The following TACR1 variants were observed in gnomAD, a reference collection of about 807,000 sequenced individuals.
The protein encoded by TACR1 is tachykinin receptor 1.
A neutral mutation model predicts 35.8 loss-of-function variants in TACR1; 25 were observed. That is an observed-to-expected ratio of 0.70 (90% CI 0.51 to 0.98). TACR1 has a LOEUF of 0.98. TACR1 is among the 50% of genes least tolerant of loss of function. The pLI, the probability that TACR1 is intolerant of heterozygous loss-of-function variation, is 0.00. For missense variants in TACR1, 478 were observed against 522.9 expected (o/e 0.91, Z 0.84); for synonymous variants, 195 against 206.7 (o/e 0.94, Z 0.48).
At chr2:75,097,111 C>T (rs768378262) in intron 2 of TACR1, among the ~76,000 whole-genome samples, 14 of 152,178 alleles carry the variant, frequency 9.2e-5, no homozygotes, top group Non-Finnish European at 1.6e-4. Flanking sequence ...GAGAGACTAG[C>T]CCAAGTTCCC....
intron 2 of TACR1, among the ~76,000 whole-genome samples, chr2:75,055,014 G>C (rs1672542819): frequency 1.3e-5 from 2 of 152,186 alleles, no homozygotes; most frequent in South Asian, 4.2e-4. Flanking sequence ...TTCACAGCTG[G>C]TAAAGGGAGG....
chr2:75,161,663 G>C (rs892413947), intron 1 of TACR1, among the ~76,000 whole-genome samples: 3 of 151,954 alleles, frequency 2.0e-5, no homozygotes, highest in Admixed American at 6.6e-5. Flanking sequence ...ACAGTAGAGA[G>C]AACAACAAAT....
chr2:75,165,426 A>G (rs1223268704), intron 1 of TACR1, among the ~76,000 whole-genome samples: 2 of 150,828 alleles, frequency 1.3e-5, no homozygotes, highest in Non-Finnish European at 3.0e-5. Context: ...CTCCTGCCTC[A>G]GCCTCCCGAG....
intron 2 of TACR1, among the ~76,000 whole-genome samples, chr2:75,069,894 A>C (rs1268452935): frequency 6.6e-6 from 1 of 152,102 alleles, no homozygotes; most frequent in Non-Finnish European, 1.5e-5. Context: ...CTCCACTGTG[A>C]AGACACTCTT....
At chr2:75,097,644 G>A (rs907354393) in intron 2 of TACR1, among the ~76,000 whole-genome samples, 2 of 152,138 alleles carry the variant, frequency 1.3e-5, no homozygotes, top group Non-Finnish European at 2.9e-5. Context: ...TCTCAGTCTT[G>A]GGGTGAGCAT....
chr2:75,082,800 A>T (rs1434665532), intron 2 of TACR1, among the ~76,000 whole-genome samples: 1 of 151,952 alleles, frequency 6.6e-6, no homozygotes, highest in Non-Finnish European at 1.5e-5. Context: ...AATTTGTTTG[A>T]GTTCATTGTA....
intron 1 of TACR1, among the ~76,000 whole-genome samples, chr2:75,186,648 A>AG (rs1370824798): frequency 6.6e-6 from 1 of 151,962 alleles, no homozygotes; most frequent in Non-Finnish European, 1.5e-5. Flanking sequence ...TTTTCTTAAA[A>AG]AAAAAAAAGG....
At chr2:75,170,179 T>C (rs979660594) in intron 1 of TACR1, among the ~76,000 whole-genome samples, 8 of 152,192 alleles carry the variant, frequency 5.3e-5, no homozygotes, top group Non-Finnish European at 1.2e-4. Flanking sequence ...TGTTGGGAAC[T>C]GTTGGGAGGT....
intron 2 of TACR1, among the ~76,000 whole-genome samples, chr2:75,080,101 T>C (rs909550571): frequency 4.6e-5 from 7 of 152,194 alleles, no homozygotes; most frequent in African/African-American, 1.4e-4. Flanking sequence ...ATAGTAAGAT[T>C]GAGATAAGGT....
At chr2:75,125,843 A>G (rs1050709346) in intron 1 of TACR1, among the ~76,000 whole-genome samples, 1 of 152,208 alleles carries the variant, frequency 6.6e-6, no homozygotes, top group Non-Finnish European at 1.5e-5. Flanking sequence ...GCCCCTAAAT[A>G]GAGCCTCAAT....
intron 2 of TACR1, among the ~76,000 whole-genome samples, chr2:75,108,451 T>C (rs187804618): frequency 2.0e-5 from 3 of 152,294 alleles, no homozygotes; most frequent in Non-Finnish European, 4.4e-5. Flanking sequence ...AGTATAATGC[T>C]TCTTAAAATA....
At chr2:75,136,351 G>A (rs924479480) in intron 1 of TACR1, among the ~76,000 whole-genome samples, 3 of 152,176 alleles carry the variant, frequency 2.0e-5, no homozygotes, top group African/African-American at 7.2e-5. Flanking sequence ...TTAGTGCAGT[G>A]TATTAACAAA....
chr2:75,120,485 AG>A lies in TACR1; in HGVS notation c.584+88del, dbSNP rs377079040. On this transcript the variant is annotated intron_variant, in intron 2 of 4. Transcript: ENST00000305249. ...TACACATTAAATCTGTACCAACAAA[AG>A]AATATGGAAAGAAAGAAAGAGCAAG... 852 of 1,264,314 alleles carry A rather than the reference AG, an allele frequency of 6.7e-4. 5 individuals are homozygous for A. The African/African-American group carries it at 0.011, about 17-fold the overall frequency. The allele number at this position is 1,264,314 out of a possible 1,614,324, so 78.3% of individuals were successfully genotyped here. A position where few individuals can be genotyped will look rare whatever the true frequency, so the allele number is the denominator to read the frequency against.
chr2:75,111,385 T>C (rs542445502), intron 2 of TACR1, among the ~76,000 whole-genome samples: 123 of 152,162 alleles, frequency 8.1e-4, no homozygotes, highest in Middle Eastern at 3.4e-3. Context: ...GTTTTATGGA[T>C]AATACTTCTG....
chr2:75,120,506 A>C, intron 2 of TACR1, 68 bp downstream of exon 2: 1 of 1,405,282 alleles, frequency 7.1e-7, no homozygotes, highest in Non-Finnish European at 9.7e-7. Flanking sequence ...AGAAAGAAAG[A>C]GCAAGAAGGG....
intron 1 of TACR1, among the ~76,000 whole-genome samples, chr2:75,151,316 C>T (rs749093156): frequency 2.6e-5 from 4 of 152,160 alleles, no homozygotes; most frequent in Non-Finnish European, 4.4e-5. Flanking sequence ...CCCAGAGGCC[C>T]AGAAGGAAAA....
intron 2 of TACR1, among the ~76,000 whole-genome samples, chr2:75,091,201 CAAAAAAAA>C (rs1184236584): frequency 1.1e-4 from 7 of 63,414 alleles, no homozygotes; most frequent in East Asian, 4.3e-4. Flanking sequence ...CTCGTAGGTG[CAAAAAAAA>C]AAAAAAAAAA....
intron 2 of TACR1, among the ~76,000 whole-genome samples, chr2:75,078,884 C>G (rs1183014402): frequency 3.9e-5 from 6 of 152,178 alleles, no homozygotes; most frequent in Non-Finnish European, 2.9e-5. Context: ...ACCCCCTTTT[C>G]CTACTCACTC....
chr2:75,051,522 G>A (rs1362512206), intron 3 of TACR1, 75 bp from the exon 4 acceptor site: 11 of 1,581,710 alleles, frequency 7.0e-6, no homozygotes, highest in South Asian at 1.1e-5. Context: ...CTCCTCCCAC[G>A]CCCTCACTGT....
Sources: allele counts gnomAD v4.1 joint callset (sites outside exome capture counted in the v4.1 genomes callset), GRCh38; gene constraint gnomAD v4.1.1; transcripts MANE v1.5; gene names NCBI Gene and HGNC (gene_info 2026-07-23, HGNC 2026-07-21).